TEKT1: variants seen among roughly 807,000 people sequenced by gnomAD.
The protein encoded by TEKT1 is tektin-1.
Under a neutral mutation model 34.8 loss-of-function variants are expected in TEKT1, and 32 were observed. That is an observed-to-expected ratio of 0.92 (90% CI 0.69 to 1.23). TEKT1 has a LOEUF of 1.23. TEKT1 is among the 50% of genes most tolerant of loss of function. The pLI is 0.00. For missense variants in TEKT1, 492 were observed against 518.5 expected (o/e 0.95, Z 0.50); for synonymous variants, 207 against 199.8 (o/e 1.04, Z -0.30).
chr17:6,817,027 G>A lies in TEKT1; in HGVS notation c.357-1065C>T, dbSNP rs141934355. ...TTTAAATAATAATAATAAATTCAAA[G>A]ACTTGTTTCCTTCCTTGATCCTCAT... is the stretch of plus-strand genomic sequence containing the variant. On this transcript the variant is annotated intron_variant, in intron 3 of 7. Transcript: ENST00000338694. Among the ~76,000 whole-genome samples, 387 of 150,406 alleles carry A rather than the reference G, an allele frequency of 2.6e-3. 2 individuals carry two copies. The highest frequency in any genetic ancestry group is 8.9e-3 in the African/African-American group (367 of 41,308).
chr17:6,819,389 T>C (rs1446592916), intron 2 of TEKT1, 31 bp from the exon 3 acceptor site: 1 of 1,590,012 alleles, frequency 6.3e-7, no homozygotes, highest in Non-Finnish European at 8.6e-7. Context: ...ACACCAGGGC[T>C]AATCTATCCC....
At chr17:6,821,085 CA>C (rs1422176169) in intron 2 of TEKT1, among the ~76,000 whole-genome samples, 1 of 152,060 alleles carries the variant, frequency 6.6e-6, no homozygotes, top group African/African-American at 2.4e-5. Context: ...CTGTTTTTTC[CA>C]CTCTGAAAAA....
chr17:6,809,375 G>T (rs769911485), intron 6 of TEKT1, among the ~76,000 whole-genome samples: 11 of 152,122 alleles, frequency 7.2e-5, no homozygotes, highest in Non-Finnish European at 1.2e-4. Flanking sequence ...GGGATTACAG[G>T]CAGGCGCCAC....
chr17:6,828,450 G>C (rs1904473312), intron 2 of TEKT1, among the ~76,000 whole-genome samples: 1 of 152,180 alleles, frequency 6.6e-6, no homozygotes, highest in Non-Finnish European at 1.5e-5. Context: ...AGCTGGCCCA[G>C]TGTTATAAAT....
intron 2 of TEKT1, among the ~76,000 whole-genome samples, chr17:6,828,747 G>A (rs1904480157): frequency 6.6e-6 from 1 of 152,058 alleles, no homozygotes; most frequent in Admixed American, 6.6e-5. Context: ...TTTAGCCGAC[G>A]TTGGTTGTTT....
intron 2 of TEKT1, among the ~76,000 whole-genome samples, chr17:6,825,542 A>T (rs1904371184): frequency 6.6e-6 from 1 of 152,200 alleles, no homozygotes; most frequent in African/African-American, 2.4e-5. Context: ...CATAAAATTC[A>T]ATGTATTTTC....
At chr17:6,812,743 T>C (rs189348415) in intron 6 of TEKT1, 88 bp downstream of exon 6, 10 of 1,295,808 alleles carry the variant, frequency 7.7e-6, no homozygotes, top group Non-Finnish European at 7.6e-6. Context: ...CCCAGAAGTC[T>C]AGCGGTCTGG....
Position 6,800,069 on chromosome 17 carries a change from A to G in TEKT1, c.1215T>C (p.His405=), listed in dbSNP as rs761774614. 8.1e-6 allele frequency: 13 copies of G among 1,612,682 alleles called. No homozygotes were observed. Among genetic ancestry groups the G allele is most frequent in the Non-Finnish European group, 1.1e-5 (13 of 1,180,008 alleles). ...GGCGGAGGCCCCCAGCCCAGACCCC[A>G]TGGTCTTCCCCATCCCGAAGTGGGA... ...KSIPLRDGED[H]GVWAGGLRPD... The change falls in exon 8 of 8, where the codon CAT becomes CAC. Residue 405 remains histidine (H), a synonymous_variant. Transcript: ENST00000338694.
At chr17:6,822,276 A>G (rs1278029210) in intron 2 of TEKT1, among the ~76,000 whole-genome samples, 1 of 152,086 alleles carries the variant, frequency 6.6e-6, no homozygotes, top group African/African-American at 2.4e-5. Context: ...AGCTGAGACT[A>G]CAGGTACACA....
rs542759066 is a variant in TEKT1, at chr17:6,814,927, A to G, written c.629+236T>C. The G allele has an allele frequency of 8.6e-6, 4 of 464,294 alleles. No individual in the cohort carries two copies. In the South Asian group the frequency reaches 1.8e-4, roughly 21 times the overall value. The allele number at this position is 464,294 out of a possible 1,614,324, so 28.8% of individuals were successfully genotyped here. A position where few individuals can be genotyped will look rare whatever the true frequency, so the allele number is the denominator to read the frequency against. ...AAAACATGTATAGATGAAGGAATAA[A>G]ATGTTTTATTCTTTAAAGGTTTAAA... is the stretch of plus-strand genomic sequence containing the variant. On this transcript the variant is annotated intron_variant, in intron 5 of 7. Coordinates refer to ENST00000338694, the MANE Select transcript of TEKT1 (RefSeq NM_053285.2).
chr17:6,800,829 G>T lies in TEKT1; in HGVS notation c.967C>A (p.Arg323=), dbSNP rs150562113. 5.0e-6 allele frequency: 8 copies of T among 1,614,010 alleles called. No individual in the cohort carries two copies. In the Admixed American group the frequency reaches 5.0e-5, roughly 10 times the overall value. The change falls in exon 7 of 8, where the codon CGG becomes AGG. Residue 323 remains arginine (R), a synonymous_variant. Transcript: ENST00000338694. ...TCACGACACAGCTCCACGTTCGGCC[G>T]GTGTGTCCTGGTCTCCAAGCGCGTA... ...AHTRLETRTH[R]PNVELCRDVA...
intron 3 of TEKT1, among the ~76,000 whole-genome samples, chr17:6,816,929 T>C (rs1232635146): frequency 7.9e-5 from 12 of 152,214 alleles, no homozygotes; most frequent in Admixed American, 7.9e-4. Context: ...CCATTCTAAC[T>C]AGCATGAGAT....
intron 2 of TEKT1, among the ~76,000 whole-genome samples, chr17:6,824,051 T>C (rs1201109873): frequency 6.6e-6 from 1 of 152,082 alleles, no homozygotes; most frequent in Non-Finnish European, 1.5e-5. Context: ...CTTGATCTCC[T>C]GATCTCGTGA....
intron 7 of TEKT1, 80 bp downstream of exon 7, chr17:6,800,667 T>C: frequency 6.7e-7 from 1 of 1,488,068 alleles, no homozygotes; most frequent in East Asian, 2.3e-5. Flanking sequence ...TTCACGCTGC[T>C]GGTCACTATC....
chr17:6,805,599 C>A (rs1431170042), intron 6 of TEKT1, among the ~76,000 whole-genome samples: 1 of 152,154 alleles, frequency 6.6e-6, no homozygotes, highest in Non-Finnish European at 1.5e-5. Flanking sequence ...CTCTTGTGGG[C>A]ATTTAGTGCT....
In TEKT1 at chr17:6,829,563, G is replaced by T. The variant is rs372610190; in HGVS notation, c.190+624C>A. Among the ~76,000 whole-genome samples the T allele has an allele frequency of 1.6e-4, 23 of 142,846 alleles. No homozygotes were observed. The East Asian group carries it at 3.1e-3, about 19-fold the overall frequency. 93.7% of individuals were successfully genotyped at this position (142,846 alleles called of 152,430 possible). Reference sequence around the variant, plus strand: ...GGGTCTTGGTATATCACCCAGGGTGGTCTCTAACTCCTGGGCTTACAGGAT... The same window carrying T: ...GGGTCTTGGTATATCACCCAGGGTGTTCTCTAACTCCTGGGCTTACAGGAT... On this transcript the variant is annotated intron_variant, in intron 2 of 7. Transcript: ENST00000338694.
intron 6 of TEKT1, 38 bp from the exon 7 acceptor site, chr17:6,800,981 G>T (rs767078553): frequency 1.9e-6 from 3 of 1,570,932 alleles, no homozygotes; most frequent in Admixed American, 1.8e-5. Flanking sequence ...GCCAAGCTGT[G>T]CTCCTCAAAA....
intron 6 of TEKT1, among the ~76,000 whole-genome samples, chr17:6,809,125 G>A (rs551786585): frequency 6.6e-6 from 1 of 152,210 alleles, no homozygotes; most frequent in African/African-American, 2.4e-5. Context: ...TGGTACACTT[G>A]TTATTAATAC....
chr17:6,827,941 T>C (rs1904456234), intron 2 of TEKT1, among the ~76,000 whole-genome samples: 1 of 135,260 alleles, frequency 7.4e-6, no homozygotes, highest in Non-Finnish European at 1.6e-5. Context: ...TGAATAATGA[T>C]TTCTCTTCTT....
Sources: gnomAD v4.1 joint callset for allele counts (sites outside exome capture counted in the v4.1 genomes callset) on GRCh38, gnomAD v4.1.1 for gene constraint, MANE v1.5 for transcripts, NCBI Gene and HGNC (gene_info 2026-07-23, HGNC 2026-07-21) for gene names.